The following KCNQ1 variants were observed in gnomAD, a reference collection of about 807,000 sequenced individuals.
The protein encoded by KCNQ1 is potassium voltage-gated channel subfamily Q member 1.
In KCNQ1, 49 loss-of-function variants were observed where a neutral mutation model predicts 72.4. The ratio of observed to expected loss-of-function variants is 0.68; its 90% confidence interval spans 0.54 to 0.86. The LOEUF (loss-of-function observed/expected upper bound fraction) is 0.86. Among genes scored for constraint, KCNQ1 ranks in the 40% least tolerant of loss-of-function variants. The pLI is 0.00. For synonymous variants in KCNQ1, 450 were observed against 412.6 expected (o/e 1.09, Z -1.10); for missense variants, 790 against 945.1 (o/e 0.84, Z 2.15).
chr11:2,524,680 C>T (rs1379986684), intron 1 of KCNQ1, among the ~76,000 whole-genome samples: 2 of 152,192 alleles, frequency 1.3e-5, no homozygotes, highest in African/African-American at 4.8e-5. Flanking sequence ...CAGCTTCCGG[C>T]TTATCCAAGG....
intron 11 of KCNQ1, among the ~76,000 whole-genome samples, chr11:2,741,148 C>G (rs899171318): frequency 6.6e-6 from 1 of 152,200 alleles, no homozygotes; most frequent in Non-Finnish European, 1.5e-5. Context: ...AGTCAAGAGT[C>G]TCTGGTGAGT....
In KCNQ1 at chr11:2,678,946, A is replaced by G. The variant is rs1244694023; in HGVS notation, c.1514+16865A>G. 2 of 398,488 alleles carry G rather than the reference A, an allele frequency of 5.0e-6. No individual in the cohort carries two copies. The highest frequency in any genetic ancestry group is 8.8e-6 in the Non-Finnish European group (2 of 226,070). The allele number at this position is 398,488 out of a possible 1,614,324, so 24.7% of individuals were successfully genotyped here. On this transcript the variant is annotated intron_variant, in intron 11 of 15. Coordinates refer to ENST00000155840, the MANE Select transcript of KCNQ1 (RefSeq NM_000218.3). This position sits in a 1 kb window ranked among gnomAD's most constrained non-coding sequence, Gnocchi z 4.9. ...CATCTTGGAAAAACTGAATTTGCTAACTCAATAGAGAACAAAAGAGCAAAT... is the reference window on the plus strand; with the variant it reads ...CATCTTGGAAAAACTGAATTTGCTAGCTCAATAGAGAACAAAAGAGCAAAT...
In KCNQ1 at chr11:2,640,115, G is replaced by A. The variant is rs560297762; in HGVS notation, c.1394-21846G>A. ...CCAGGTGCCGTCTGTCACCCCTTCCGTTGGCTAGGAAAGGGAATTCCCTGA... is the reference window on the plus strand; with the variant it reads ...CCAGGTGCCGTCTGTCACCCCTTCCATTGGCTAGGAAAGGGAATTCCCTGA... On this transcript the variant is annotated intron_variant, in intron 10 of 15. Coordinates refer to ENST00000155840, the MANE Select transcript of KCNQ1 (RefSeq NM_000218.3). 17 of 299,446 alleles carry A rather than the reference G, an allele frequency of 5.7e-5. No individual in the cohort carries two copies. The South Asian group carries it at 1.5e-3, about 26-fold the overall frequency. 18.5% of individuals were successfully genotyped at this position (299,446 alleles called of 1,614,324 possible).
At chr11:2,618,991 A>G in intron 10 of KCNQ1, 1 of 398,350 alleles carries the variant, frequency 2.5e-6, no homozygotes, top group Non-Finnish European at 4.4e-6. Context: ...TTATTTGTGT[A>G]TAGAAATGCA....
rs9666538 is a variant in KCNQ1, at chr11:2,664,646, T to C, written c.1514+2565T>C. ...GCCCATAATTAAATTCGGCTCCAGC[T>C]GCTCAGGGATGCAGCGAAGCTCCTG... On this transcript the variant is annotated intron_variant, in intron 11 of 15. Transcript: ENST00000155840. This position sits in a 1 kb window ranked among gnomAD's most constrained non-coding sequence, Gnocchi z 5.1. 0.1 allele frequency: 40,077 copies of C among 398,666 alleles called. 2,136 individuals are homozygous for C. The highest frequency in any genetic ancestry group is 0.13 in the African/African-American group (6,487 of 48,712). 24.7% of individuals were successfully genotyped at this position (398,666 alleles called of 1,614,324 possible). A position where few individuals can be genotyped will look rare whatever the true frequency, so the allele number is the denominator to read the frequency against.
chr11:2,624,583 T>G lies in KCNQ1; in HGVS notation c.1393+35729T>G. 1 of 398,552 alleles carries G rather than the reference T, an allele frequency of 2.5e-6. No homozygotes were observed. The highest frequency in any genetic ancestry group is 4.4e-6 in the Non-Finnish European group (1 of 226,018). The allele number at this position is 398,552 out of a possible 1,614,324, so 24.7% of individuals were successfully genotyped here. A position where few individuals can be genotyped will look rare whatever the true frequency, so the allele number is the denominator to read the frequency against. ...AATCTTTTATTGTGGCAAAATACAC[T>G]TAACATAAAAATTACCATCCTAACC... On this transcript the variant is annotated intron_variant, in intron 10 of 15. Coordinates refer to ENST00000155840, the MANE Select transcript of KCNQ1 (RefSeq NM_000218.3). This position sits in a 1 kb window ranked among gnomAD's most constrained non-coding sequence, Gnocchi z 4.9.
chr11:2,696,003 T>C (rs1850670179), intron 11 of KCNQ1: 1 of 398,642 alleles, frequency 2.5e-6, no homozygotes, highest in Non-Finnish European at 4.4e-6. Context: ...CAAAGTTACA[T>C]TCATGAGTGT....
rs573231180 is a variant in KCNQ1 at position 2,743,905 on chromosome 11, C to T, written c.1515-24939C>T. On this transcript the variant is annotated intron_variant, in intron 11 of 15. Transcript: ENST00000155840. ...GAGGTAAACAGGTGTTGTCACAGAA[C>T]GGCAGACTGGGGCCTCCCCTGGTGG... is the stretch of plus-strand genomic sequence containing the variant. Among the ~76,000 whole-genome samples the T allele has an allele frequency of 1.2e-4, 18 of 152,326 alleles. No individual in the cohort carries two copies. The South Asian group carries it at 3.3e-3, about 28-fold the overall frequency.
intron 2 of KCNQ1, 57 bp from the exon 3 acceptor site, chr11:2,570,571 C>A: frequency 6.2e-7 from 1 of 1,604,460 alleles, no homozygotes; most frequent in Non-Finnish European, 8.5e-7. Context: ...GTTGCAGGGT[C>A]TGAAGCCACT....
At chr11:2,576,788 C>A (rs1034180558) in intron 6 of KCNQ1, among the ~76,000 whole-genome samples, 1 of 152,198 alleles carries the variant, frequency 6.6e-6, no homozygotes, top group Admixed American at 6.5e-5. Context: ...CACTGCCCAG[C>A]GGGAGGGGTG....
chr11:2,845,540 C>G (rs997865764), intron 15 of KCNQ1, among the ~76,000 whole-genome samples: 2 of 152,224 alleles, frequency 1.3e-5, no homozygotes, highest in East Asian at 3.8e-4. Context: ...CCCCTTTCCT[C>G]CATAGTCTGG....
intron 1 of KCNQ1, among the ~76,000 whole-genome samples, chr11:2,514,384 G>A (rs1217099058): frequency 3.3e-5 from 5 of 152,202 alleles, no homozygotes; most frequent in Non-Finnish European, 5.9e-5. Context: ...TCAGGTTGCC[G>A]GGTGCCCTTG....
intron 11 of KCNQ1, among the ~76,000 whole-genome samples, chr11:2,726,876 A>G (rs929635973): frequency 6.6e-6 from 1 of 152,056 alleles, no homozygotes; most frequent in African/African-American, 2.4e-5. Flanking sequence ...CCTCCCAAGT[A>G]GCTCCCAGCA....
At chr11:2,798,582 A>G (rs888356400) in intron 15 of KCNQ1, among the ~76,000 whole-genome samples, 2 of 152,100 alleles carry the variant, frequency 1.3e-5, no homozygotes, top group East Asian at 3.9e-4. Context: ...CTATTTCCTC[A>G]TTAACATAAT....
chr11:2,605,639 T>G (rs556918542), intron 10 of KCNQ1, among the ~76,000 whole-genome samples: 2 of 152,238 alleles, frequency 1.3e-5, no homozygotes, highest in Non-Finnish European at 2.9e-5. Context: ...ATTCCCTTGA[T>G]CTACATATCT....
At chr11:2,553,997 G>A (rs1287359885) in intron 2 of KCNQ1, among the ~76,000 whole-genome samples, 4 of 152,198 alleles carry the variant, frequency 2.6e-5, no homozygotes, top group Admixed American at 2.0e-4. Flanking sequence ...GATTACAAGC[G>A]TGAGCCACCA....
rs1850124200 is a variant in KCNQ1, at chr11:2,668,523, A to C, written c.1514+6442A>C. 2 of 398,466 alleles carry C rather than the reference A, an allele frequency of 5.0e-6. No individual in the cohort carries two copies. The highest frequency in any genetic ancestry group is 2.5e-4 in the South Asian group (2 of 7,860). 24.7% of individuals were successfully genotyped at this position (398,466 alleles called of 1,614,324 possible). A position where few individuals can be genotyped will look rare whatever the true frequency, so the allele number is the denominator to read the frequency against. On this transcript the variant is annotated intron_variant, in intron 11 of 15. Transcript: ENST00000155840. This position sits in a 1 kb window ranked among gnomAD's most constrained non-coding sequence, Gnocchi z 4.3. ...CTAGCAGCATCAAATGGTGATTTTA[A>C]TTTGCAGTAACCTGTTGACTAATGA...
Position 2,509,909 on chromosome 11 carries a change from C to A in KCNQ1, c.387-18019C>A, listed in dbSNP as rs1185274838. Reference sequence around the variant, plus strand: ...GTGACAAGTGACAGCCGGGAACAGACCCACTGCCAGGGCTGCCTCTCTCTT... The same window carrying A: ...GTGACAAGTGACAGCCGGGAACAGAACCACTGCCAGGGCTGCCTCTCTCTT... On this transcript the variant is annotated intron_variant, in intron 1 of 15. Transcript: ENST00000155840. This position sits in a 1 kb window ranked among gnomAD's most constrained non-coding sequence, Gnocchi z 6.3. Among the ~76,000 whole-genome samples, 2 of 152,140 alleles carry A rather than the reference C, an allele frequency of 1.3e-5. No homozygotes were observed. Among genetic ancestry groups the A allele is most frequent in the African/African-American group, 2.4e-5 (1 of 41,446 alleles).
chr11:2,595,842 A>T lies in KCNQ1; in HGVS notation c.1393+6988A>T, dbSNP rs1007176593. Among the ~76,000 whole-genome samples the T allele has an allele frequency of 2.6e-5, 4 of 152,224 alleles. No homozygotes were observed. Among genetic ancestry groups the T allele is most frequent in the African/African-American group, 9.6e-5 (4 of 41,456 alleles). ...GCCATAGATAGCGATTGCTTTGATG[A>T]ATCTGGGCAAAGTAAATTGAAAACA... On this transcript the variant is annotated intron_variant, in intron 10 of 15. Transcript: ENST00000155840. This position sits in a 1 kb window ranked among gnomAD's most constrained non-coding sequence, Gnocchi z 5.0.
Sources: gnomAD v4.1 joint callset for allele counts (sites outside exome capture counted in the v4.1 genomes callset) on GRCh38, gnomAD v4.1.1 for gene constraint, Gnocchi (gnomAD v3.1) non-coding constraint, MANE v1.5 for transcripts, NCBI Gene and HGNC (gene_info 2026-07-23, HGNC 2026-07-21) for gene names.